The following BTBD9 variants were observed in gnomAD, a reference collection of about 807,000 sequenced individuals.
The protein encoded by BTBD9 is BTB/POZ domain-containing protein 9.
BTBD9 carries 49 observed loss-of-function variants against 64.3 expected under a neutral mutation model. The observed-to-expected ratio is 0.76, with a 90% CI of 0.61 to 0.97. The LOEUF (loss-of-function observed/expected upper bound fraction) is 0.97. BTBD9 is among the 50% of genes least tolerant of loss of function. BTBD9 has a pLI of 0.00. For missense variants in BTBD9, 598 were observed against 762.1 expected (o/e 0.78, Z 2.53); for synonymous variants, 260 against 274.7 (o/e 0.95, Z 0.53).
chr6:38,578,447 C>T (rs1024827730), intron 5 of BTBD9, among the ~76,000 whole-genome samples: 3 of 152,160 alleles, frequency 2.0e-5, no homozygotes, highest in Admixed American at 2.0e-4. Flanking sequence ...TGTCATAAGC[C>T]AAATTTAAAT....
intron 6 of BTBD9, among the ~76,000 whole-genome samples, chr6:38,397,493 A>G (rs1766733498): frequency 6.6e-6 from 1 of 152,226 alleles, no homozygotes; most frequent in Non-Finnish European, 1.5e-5. Context: ...CAAAAGAAGA[A>G]CATGTTGGAA....
chr6:38,213,260 G>C (rs1013165110), intron 9 of BTBD9, among the ~76,000 whole-genome samples: 1 of 152,090 alleles, frequency 6.6e-6, no homozygotes, highest in African/African-American at 2.4e-5. Flanking sequence ...TGACAGTGGG[G>C]AGATATTCAG....
intron 9 of BTBD9, among the ~76,000 whole-genome samples, chr6:38,228,397 G>A (rs553062151): frequency 7.1e-6 from 1 of 141,296 alleles, no homozygotes; most frequent in African/African-American, 2.6e-5. Flanking sequence ...ATGGACTTTC[G>A]GTATTATGGA....
At chr6:38,247,170 C>T (rs1175064204) in intron 9 of BTBD9, among the ~76,000 whole-genome samples, 1 of 146,476 alleles carries the variant, frequency 6.8e-6, no homozygotes, top group Non-Finnish European at 1.5e-5. Context: ...AAAAAAAAAT[C>T]ACAGGCAAAG....
At chr6:38,527,968 G>GT (rs1297164923) in intron 6 of BTBD9, among the ~76,000 whole-genome samples, 1 of 152,010 alleles carries the variant, frequency 6.6e-6, no homozygotes, top group Non-Finnish European at 1.5e-5. Flanking sequence ...GAAGAGTCAG[G>GT]TAAGTGATCA....
In BTBD9 at chr6:38,172,220, A is replaced by C. The variant is rs1270483976; in HGVS notation, c.*2765T>G. 1 of 152,348 alleles carries C rather than the reference A, an allele frequency of 6.6e-6. No homozygotes were observed. Among genetic ancestry groups the C allele is most frequent in the Non-Finnish European group, 1.5e-5 (1 of 68,136 alleles). 9.4% of individuals were successfully genotyped at this position (152,348 alleles called of 1,614,324 possible). A position where few individuals can be genotyped will look rare whatever the true frequency, so the allele number is the denominator to read the frequency against. ...GGCTGAGGGCTCTGTGGTGCCCAGG[A>C]GCCCTCCCAGCCACGTGCCAGCCCA... On this transcript the variant is annotated 3_prime_UTR_variant, in exon 11 of 11. Transcript: ENST00000481247.
At chr6:38,481,158 G>T (rs1016985470) in intron 6 of BTBD9, among the ~76,000 whole-genome samples, 1 of 152,196 alleles carries the variant, frequency 6.6e-6, no homozygotes, top group Non-Finnish European at 1.5e-5. Flanking sequence ...ATGTGAAAGG[G>T]AAAGAAGAGA....
intron 6 of BTBD9, among the ~76,000 whole-genome samples, chr6:38,415,949 T>G (rs867363512): frequency 5.9e-5 from 9 of 152,160 alleles, no homozygotes; most frequent in African/African-American, 1.9e-4. Flanking sequence ...ACAGAGTCTA[T>G]GAAGTCCTAA....
chr6:38,413,411 A>G (rs551306474), intron 6 of BTBD9, among the ~76,000 whole-genome samples: 7 of 152,214 alleles, frequency 4.6e-5, no homozygotes, highest in Non-Finnish European at 1.0e-4. Context: ...AAATTTCCCA[A>G]TTTTTAAGAG....
chr6:38,635,964 C>T (rs1212242675), intron 1 of BTBD9, among the ~76,000 whole-genome samples: 1 of 152,166 alleles, frequency 6.6e-6, no homozygotes, highest in East Asian at 1.9e-4. Flanking sequence ...TTCTCACTCT[C>T]CATTTTTCTG....
At chr6:38,204,485 T>C (rs905485806) in intron 9 of BTBD9, among the ~76,000 whole-genome samples, 8 of 152,188 alleles carry the variant, frequency 5.3e-5, no homozygotes, top group Non-Finnish European at 1.2e-4. Flanking sequence ...ATTCCATTTA[T>C]ATGAAATGTA....
At chr6:38,388,984 G>T (rs1374427083) in intron 6 of BTBD9, among the ~76,000 whole-genome samples, 1 of 152,118 alleles carries the variant, frequency 6.6e-6, no homozygotes, top group East Asian at 1.9e-4. Context: ...GGGGGAAAAT[G>T]ACAACAGGAC....
At chr6:38,568,545 T>A (rs1035807354) in intron 6 of BTBD9, among the ~76,000 whole-genome samples, 1 of 152,200 alleles carries the variant, frequency 6.6e-6, no homozygotes. Flanking sequence ...AGGTCCTGGA[T>A]GGCATTGCAT....
chr6:38,298,204 G>A (rs1437903806), intron 7 of BTBD9, among the ~76,000 whole-genome samples: 1 of 151,648 alleles, frequency 6.6e-6, no homozygotes, highest in African/African-American at 2.4e-5. Context: ...TCCCCCACCA[G>A]CTATCCCAAC....
Position 38,594,457 on chromosome 6 carries a change from T to C in BTBD9, c.186-130A>G, listed in dbSNP as rs1281429345. 2.7e-6 allele frequency: 3 copies of C among 1,120,188 alleles called. No homozygotes were observed. In the African/African-American group the frequency reaches 4.7e-5, roughly 18 times the overall value. The allele number at this position is 1,120,188 out of a possible 1,614,324, so 69.4% of individuals were successfully genotyped here. A position where few individuals can be genotyped will look rare whatever the true frequency, so the allele number is the denominator to read the frequency against. On this transcript the variant is annotated intron_variant, in intron 2 of 10. Coordinates refer to ENST00000481247, the MANE Select transcript of BTBD9 (RefSeq NM_001099272.2). ...TGACACAAAGATCCAAGTGAAAAAA[T>C]GCAAAGTAATCATTTAAAATGGTTC... is the stretch of plus-strand genomic sequence containing the variant.
intron 7 of BTBD9, among the ~76,000 whole-genome samples, chr6:38,327,049 T>A (rs182213702): frequency 6.6e-6 from 1 of 152,320 alleles, no homozygotes; most frequent in Non-Finnish European, 1.5e-5. Context: ...CCATTTCCTG[T>A]CATTACAGGG....
chr6:38,262,241 C>G (rs978028692), intron 8 of BTBD9, among the ~76,000 whole-genome samples: 5 of 152,182 alleles, frequency 3.3e-5, no homozygotes, highest in African/African-American at 1.2e-4. Context: ...CTTAAACATA[C>G]ACAGCACACT....
At chr6:38,480,629 C>T (rs1403170782) in intron 6 of BTBD9, among the ~76,000 whole-genome samples, 2 of 152,150 alleles carry the variant, frequency 1.3e-5, no homozygotes, top group Non-Finnish European at 2.9e-5. Flanking sequence ...TTGCTTGTAG[C>T]TCAGCTATAG....
intron 6 of BTBD9, among the ~76,000 whole-genome samples, chr6:38,465,806 TA>T (rs1358231115): frequency 1.5e-5 from 2 of 135,784 alleles, no homozygotes; most frequent in Non-Finnish European, 3.1e-5. Flanking sequence ...GTGACTTAGG[TA>T]ATTTTTATCT....
Sources: allele counts gnomAD v4.1 joint callset (sites outside exome capture counted in the v4.1 genomes callset), GRCh38; gene constraint gnomAD v4.1.1; transcripts MANE v1.5; gene names NCBI Gene and HGNC (gene_info 2026-07-23, HGNC 2026-07-21).